Variants in CNTNAP2 observed in about 807,000 individuals in gnomAD.
The protein encoded by CNTNAP2 is contactin-associated protein-like 2.
In CNTNAP2, 98 loss-of-function variants were observed where a neutral mutation model predicts 155.2. That is an observed-to-expected ratio of 0.63 (90% CI 0.54 to 0.75). The LOEUF is 0.75. Ranked by LOEUF, CNTNAP2 falls within the 30% of genes least tolerant of loss-of-function variation. CNTNAP2 has a pLI of 0.00. For missense variants in CNTNAP2, 1,727 were observed against 1,688.1 expected (o/e 1.02, Z -0.40); for synonymous variants, 651 against 631.2 (o/e 1.03, Z -0.47).
At chr7:146,495,742 G>T (rs1338784389) in intron 1 of CNTNAP2, among the ~76,000 whole-genome samples, 1 of 152,118 alleles carries the variant, frequency 6.6e-6, no homozygotes, top group Admixed American at 6.6e-5. Flanking sequence ...GAATATGCTT[G>T]TGCAGAAGTG....
At chr7:146,405,909 C>T (rs1416682376) in intron 1 of CNTNAP2, among the ~76,000 whole-genome samples, 6 of 152,174 alleles carry the variant, frequency 3.9e-5, no homozygotes, top group African/African-American at 1.4e-4. Flanking sequence ...GTCACGATGA[C>T]AACTGGGAGC....
chr7:147,902,800 G>GTGTA, intron 13 of CNTNAP2, among the ~76,000 whole-genome samples: 1 of 130,214 alleles, frequency 7.7e-6, no homozygotes, highest in East Asian at 2.4e-4. Flanking sequence ...GTGTGTGTGT[G>GTGTA]TGTGTGTGTG....
At chr7:148,183,475 C>CTTTTT (rs71527885) in intron 18 of CNTNAP2, among the ~76,000 whole-genome samples, 41 of 82,238 alleles carry the variant, frequency 5.0e-4, no homozygotes, top group East Asian at 1.6e-3. Flanking sequence ...TACTTATTTG[C>CTTTTT]TTTTTTTTTT....
At chr7:146,965,815 G>T (rs1023364931) in intron 3 of CNTNAP2, among the ~76,000 whole-genome samples, 5 of 152,122 alleles carry the variant, frequency 3.3e-5, no homozygotes, top group African/African-American at 1.2e-4. Context: ...GTATGTGAGG[G>T]GTCGCACACT....
At chr7:148,161,701 T>C (rs1213380287) in intron 17 of CNTNAP2, among the ~76,000 whole-genome samples, 1 of 152,214 alleles carries the variant, frequency 6.6e-6, no homozygotes, top group East Asian at 1.9e-4. Flanking sequence ...CTTATTGCTA[T>C]ATTGAAGTGT....
At chr7:147,105,379 A>G (rs903431566) in intron 4 of CNTNAP2, among the ~76,000 whole-genome samples, 1 of 151,994 alleles carries the variant, frequency 6.6e-6, no homozygotes, top group Non-Finnish European at 1.5e-5. Context: ...CAGATTGCTT[A>G]AACAGTTCAA....
chr7:146,237,588 T>G (rs1463370523), intron 1 of CNTNAP2, among the ~76,000 whole-genome samples: 1 of 145,642 alleles, frequency 6.9e-6, no homozygotes, highest in Non-Finnish European at 1.5e-5. Flanking sequence ...TAGAATAGCA[T>G]TTTCCGGTGC....
intron 8 of CNTNAP2, among the ~76,000 whole-genome samples, chr7:147,264,264 A>G (rs1343180769): frequency 6.6e-6 from 1 of 152,216 alleles, no homozygotes; most frequent in Non-Finnish European, 1.5e-5. Flanking sequence ...AAGAGAGGAC[A>G]GCAATCCAAA....
chr7:148,363,372 G>T (rs1406199153), intron 21 of CNTNAP2, among the ~76,000 whole-genome samples: 1 of 152,244 alleles, frequency 6.6e-6, no homozygotes, highest in Non-Finnish European at 1.5e-5. Context: ...TTAAGGTAGG[G>T]TGTGTTTGGT....
chr7:147,654,808 CTTT>C (rs1186575442), intron 13 of CNTNAP2, among the ~76,000 whole-genome samples: 22 of 97,302 alleles, frequency 2.3e-4, no homozygotes, highest in African/African-American at 9.3e-4. Flanking sequence ...AAATATATTT[CTTT>C]TTTTTTTTTT....
intron 22 of CNTNAP2, among the ~76,000 whole-genome samples, chr7:148,406,894 A>G (rs1407575240): frequency 6.6e-6 from 1 of 152,230 alleles, no homozygotes; most frequent in African/African-American, 2.4e-5. Flanking sequence ...ATGCTTCAGT[A>G]TATAATCTAA....
chr7:146,928,371 A>G (rs1207230010), intron 3 of CNTNAP2, among the ~76,000 whole-genome samples: 1 of 152,182 alleles, frequency 6.6e-6, no homozygotes, highest in East Asian at 1.9e-4. Flanking sequence ...TTCCATGGCA[A>G]AATTTTAATG....
intron 13 of CNTNAP2, among the ~76,000 whole-genome samples, chr7:147,698,829 C>G (rs1300664615): frequency 4.5e-4 from 68 of 152,154 alleles, no homozygotes. Flanking sequence ...TCCTAAAATG[C>G]TGGGATTGCT....
chr7:146,767,556 C>G (rs1215803069), intron 1 of CNTNAP2, among the ~76,000 whole-genome samples: 1 of 152,052 alleles, frequency 6.6e-6, no homozygotes, highest in Admixed American at 6.6e-5. Context: ...AAAGATGTAT[C>G]TTATTTTCAA....
chr7:147,212,389 A>T (rs1224726310), intron 8 of CNTNAP2, among the ~76,000 whole-genome samples: 1 of 152,148 alleles, frequency 6.6e-6, no homozygotes, highest in African/African-American at 2.4e-5. Flanking sequence ...CATGTACACC[A>T]TGTAATACTG....
chr7:146,392,128 A>G (rs1795553499), intron 1 of CNTNAP2, among the ~76,000 whole-genome samples: 1 of 152,150 alleles, frequency 6.6e-6, no homozygotes, highest in Non-Finnish European at 1.5e-5. Context: ...AGAATTTAGT[A>G]CTTTGGTTAA....
intron 12 of CNTNAP2, among the ~76,000 whole-genome samples, chr7:147,636,496 T>C (rs1795183173): frequency 6.6e-6 from 1 of 152,208 alleles, no homozygotes; most frequent in African/African-American, 2.4e-5. Context: ...TACATAGATA[T>C]ACATGTGCCA....
Position 148,267,145 on chromosome 7 carries a change from A to G in CNTNAP2, c.3475+19A>G, listed in dbSNP as rs749665763. The G allele has an allele frequency of 2.5e-6, 4 of 1,586,572 alleles. No homozygotes were observed. Among genetic ancestry groups the G allele is most frequent in the Non-Finnish European group, 1.7e-6 (2 of 1,155,244 alleles). On this transcript the variant is annotated intron_variant, in intron 21 of 23. Coordinates refer to ENST00000361727, the MANE Select transcript of CNTNAP2 (RefSeq NM_014141.6). ...GTTATAGGTAAGAATGTGGTTCGTT[A>G]GGTATAAATGCGTGCTACAAATACA...
At chr7:148,238,135 T>C (rs544704434) in intron 20 of CNTNAP2, among the ~76,000 whole-genome samples, 3 of 152,224 alleles carry the variant, frequency 2.0e-5, no homozygotes, top group East Asian at 3.9e-4. Context: ...TGGATCATGA[T>C]GTCAAGAGAT....
Sources: allele counts gnomAD v4.1 joint callset (sites outside exome capture counted in the v4.1 genomes callset), GRCh38; gene constraint gnomAD v4.1.1; transcripts MANE v1.5; gene names NCBI Gene and HGNC (gene_info 2026-07-23, HGNC 2026-07-21).